Variants in METTL13 observed in about 807,000 individuals in gnomAD.
The protein encoded by METTL13 is eEF1A lysine and N-terminal methyltransferase.
METTL13 carries 52 observed loss-of-function variants against 67.4 expected under a neutral mutation model. The ratio of observed to expected loss-of-function variants is 0.77; its 90% CI spans 0.62 to 0.97. The LOEUF (loss-of-function observed/expected upper bound fraction) is 0.97, where lower values mean the gene tolerates loss of function less well. Ranked by LOEUF, METTL13 falls within the 50% of genes least tolerant of loss-of-function variation. The pLI is 0.00. For missense variants in METTL13, 825 were observed against 889.6 expected (o/e 0.93, Z 0.92); for synonymous variants, 354 against 353.6 (o/e 1.00, Z -0.01).
At chr1:171,787,260 A>G (rs574042434) in intron 3 of METTL13, among the ~76,000 whole-genome samples, 3 of 152,332 alleles carry the variant, frequency 2.0e-5, no homozygotes, top group African/African-American at 7.2e-5. Context: ...TAAGGTTCAG[A>G]AAAGTGGGGG....
At position 171,787,888 on chromosome 1, in the gene METTL13, G is replaced by A. The variant is rs867562362; in HGVS notation, c.1267G>A (p.Val423Met). 2.5e-6 allele frequency: 4 copies of A among 1,613,936 alleles called. No homozygotes were observed. The African/African-American group carries it at 4.0e-5, about 16-fold the overall frequency. The change falls in exon 4 of 8, where the codon GTG becomes ATG. Residue 423 changes from valine to methionine, a missense_variant. Coordinates refer to ENST00000361735, the MANE Select transcript of METTL13 (RefSeq NM_015935.5). ...GATCTTCCTCAGCAACAGGAATGTGGTGCAGTCCGAAGCCAGGTTGCTGAA... is the reference window on the plus strand; with the variant it reads ...GATCTTCCTCAGCAACAGGAATGTGATGCAGTCCGAAGCCAGGTTGCTGAA... ...RLIFLSNRNV[V>M]QSEARLLKDV...
rs757820923 is a variant in METTL13 at position 171,790,524 on chromosome 1, G to A, written c.1382G>A (p.Gly461Glu). The A allele has an allele frequency of 1.2e-5, 19 of 1,612,582 alleles. No individual in the cohort carries two copies. The highest frequency in any genetic ancestry group is 1.6e-5 in the Non-Finnish European group (19 of 1,179,702). ...GCGGAGGACCTCCCTGCAGCCCCGG[G>A]GCAGTCCATTGATAAGAGTTACCTG... ...ADAEDLPAAPGQSIDKSYLCC... is the reference protein window; with the variant it reads ...ADAEDLPAAPEQSIDKSYLCC... Residue 461 changes from glycine to glutamate, a missense_variant, in exon 5 of 8, where the codon GGG (glycine) becomes GAG (glutamate). Coordinates refer to ENST00000361735, the MANE Select transcript of METTL13 (RefSeq NM_015935.5).
intron 5 of METTL13, among the ~76,000 whole-genome samples, chr1:171,791,579 C>A (rs918199439): frequency 6.6e-6 from 1 of 152,066 alleles, no homozygotes; most frequent in Non-Finnish European, 1.5e-5. Context: ...TAGGCTCCCA[C>A]GTCAGCTTAC....
At position 171,784,488 on chromosome 1, in the gene METTL13, C is replaced by T. The variant is rs760964626; in HGVS notation, c.902C>T (p.Ala301Val). The change falls in exon 2 of 8, where the codon GCG (alanine) becomes GTG (valine). Residue 301 changes from alanine to valine, a missense_variant. Physicochemically the swap from Ala to Val is moderately conservative, Grantham distance 64. Coordinates refer to ENST00000361735, the MANE Select transcript of METTL13 (RefSeq NM_015935.5). ...AAACCATCGCGGGACAATCATTTTG[C>T]GATTTTCATCAGTGAGTTGGGATTG... is the stretch of plus-strand genomic sequence containing the variant. The part of the protein sequence containing the change: ...TVKPSRDNHF[A>V]IFIIPQGRET... 8 of 1,500,480 alleles carry T rather than the reference C, an allele frequency of 5.3e-6. No homozygotes were observed. Among genetic ancestry groups the T allele is most frequent in the Non-Finnish European group, 5.3e-6 (6 of 1,126,068 alleles). 92.9% of individuals were successfully genotyped at this position (1,500,480 alleles called of 1,614,324 possible). A position where few individuals can be genotyped will look rare whatever the true frequency, so the allele number is the denominator to read the frequency against.
chr1:171,784,128 T>G lies in METTL13; in HGVS notation c.542T>G (p.Val181Gly), dbSNP rs142277500. Residue 181 changes from valine (V) to glycine (G), a missense_variant, in exon 2 of 8, where the codon GTG (valine) becomes GGG (glycine). Physicochemically the swap from Val to Gly is moderately radical, Grantham distance 109. Coordinates refer to ENST00000361735, the MANE Select transcript of METTL13 (RefSeq NM_015935.5). The stretch of plus-strand genomic sequence containing the variant: ...CACTTCTCCCGGGAGGGGTGGATGG[T>G]GAGGGTGCACCAAGTGGCCAACAGC... ...VGHFSREGWM[V>G]RVHQVANSQD... The G allele has an allele frequency of 4.8e-5, 78 of 1,614,154 alleles. No individual in the cohort carries two copies. The African/African-American group carries it at 1.0e-3, about 21-fold the overall frequency.
chr1:171,796,596 A>G lies in METTL13; in HGVS notation c.1940A>G (p.Asn647Ser), dbSNP rs1329580787. Reference protein sequence around the residue: ...LYVRRIEGEVNEILFCQLHPE... With the variant: ...LYVRRIEGEVSEILFCQLHPE... The stretch of plus-strand genomic sequence containing the variant: ...GTCCGGCGAATTGAGGGTGAAGTGA[A>G]TGAGATCCTGTTCTGTCAGCTGCAC... Residue 647 changes from asparagine to serine, a missense_variant, in exon 8 of 8, where the codon AAT becomes AGT. By Grantham distance (46) the Asn-to-Ser change is conservative. Coordinates refer to ENST00000361735, the MANE Select transcript of METTL13 (RefSeq NM_015935.5). 1.2e-6 allele frequency: 2 copies of G among 1,614,210 alleles called. No homozygotes were observed. Among genetic ancestry groups the G allele is most frequent in the Non-Finnish European group, 1.7e-6 (2 of 1,180,040 alleles).
chr1:171,784,600 G>T, intron 2 of METTL13, 101 bp downstream of exon 2: 1 of 1,353,314 alleles, frequency 7.4e-7, no homozygotes, highest in Non-Finnish European at 9.6e-7. Flanking sequence ...GCTTTGGTGG[G>T]ATTCTGGACT....
chr1:171,787,855 C>T lies in METTL13; in HGVS notation c.1234C>T (p.Arg412Cys), dbSNP rs1274999532. 5.0e-6 allele frequency: 8 copies of T among 1,614,030 alleles called. No individual in the cohort carries two copies. The highest frequency in any genetic ancestry group is 1.3e-5 in the African/African-American group (1 of 74,922). ...DVQGDDKRYFRRLIFLSNRNV... is the reference protein window; with the variant it reads ...DVQGDDKRYFCRLIFLSNRNV... ...GCAAGGGGATGACAAGCGATACTTC[C>T]GTCGACTGATCTTCCTCAGCAACAG... The change falls in exon 4 of 8, where the codon CGT (arginine) becomes TGT (cysteine). Residue 412 changes from arginine (R) to cysteine (C), a missense_variant. Arg to Cys is a radical substitution (Grantham distance 180). Transcript: ENST00000361735.
chr1:171,791,834 C>T (rs1657217776), intron 5 of METTL13, among the ~76,000 whole-genome samples, 183 bp from the exon 6 acceptor site: 1 of 152,092 alleles, frequency 6.6e-6, no homozygotes, highest in Non-Finnish European at 1.5e-5. Context: ...ATCATGAATC[C>T]AGGATTCAGT....
At chr1:171,794,229 C>T (rs1571171846) in intron 6 of METTL13, among the ~76,000 whole-genome samples, 167 bp from the exon 7 acceptor site, 1 of 152,210 alleles carries the variant, frequency 6.6e-6, no homozygotes, top group African/African-American at 2.4e-5. Context: ...ACAAAGACTC[C>T]CCTGGGCCAT....
In METTL13 at chr1:171,784,383, G is replaced by T; in HGVS notation, c.797G>T (p.Gly266Val). ...CSQLRRKARL[G>V]SVSLDLCDGD... is the part of the protein sequence containing the mutation. ...CAGCTGCGCCGCAAGGCCAGGCTGG[G>T]GAGTGTGTCTCTGGACTTGTGCGAT... The change falls in exon 2 of 8, where the codon GGG (glycine) becomes GTG (valine). Residue 266 changes from glycine to valine, a missense_variant. By Grantham distance (109) the Gly-to-Val change is moderately radical. Coordinates refer to ENST00000361735, the MANE Select transcript of METTL13 (RefSeq NM_015935.5). 1 of 1,568,610 alleles carries T rather than the reference G, an allele frequency of 6.4e-7. No homozygotes were observed. Among genetic ancestry groups the T allele is most frequent in the Non-Finnish European group, 8.6e-7 (1 of 1,157,230 alleles).
At position 171,790,554 on chromosome 1, in the gene METTL13, G is replaced by A. The variant is rs1301258174; in HGVS notation, c.1412G>A (p.Cys471Tyr). The change falls in exon 5 of 8, where the codon TGT becomes TAT. Residue 471 changes from cysteine (C) to tyrosine (Y), a missense_variant. Cys to Tyr is a radical substitution (Grantham distance 194). Transcript: ENST00000361735. ...GQSIDKSYLCCEHHKAMIAGL... is the reference protein window; with the variant it reads ...GQSIDKSYLCYEHHKAMIAGL... ...TCCATTGATAAGAGTTACCTGTGTT[G>A]TGAACACCACAAAGCCATGATCGCT... 1 of 1,612,098 alleles carries A rather than the reference G, an allele frequency of 6.2e-7. No homozygotes were observed. Among genetic ancestry groups the A allele is most frequent in the South Asian group, 1.1e-5 (1 of 90,756 alleles).
chr1:171,785,763 C>A, intron 2 of METTL13, 116 bp from the exon 3 acceptor site: 1 of 1,047,076 alleles, frequency 9.6e-7, no homozygotes, highest in Non-Finnish European at 1.4e-6. Flanking sequence ...CTCAGTGGGT[C>A]ACAGTTGGGG....
chr1:171,787,916 A>T lies in METTL13; in HGVS notation c.1295A>T (p.Asp432Val). The change falls in exon 4 of 8, where the codon GAT (aspartate) becomes GTT (valine). Residue 432 changes from aspartate (D) to valine (V), a missense_variant. Physicochemically the swap from Asp to Val is radical, Grantham distance 152. Transcript: ENST00000361735. ...CAGTCCGAAGCCAGGTTGCTGAAGG[A>T]TGTGTCTCACAAAGGTGAGGTGTCA... ...VVQSEARLLK[D>V]VSHKAQKKRK... is the part of the protein sequence containing the mutation. 2.5e-6 allele frequency: 4 copies of T among 1,613,508 alleles called. No individual in the cohort carries two copies. The highest frequency in any genetic ancestry group is 3.4e-6 in the Non-Finnish European group (4 of 1,179,928).
chr1:171,793,991 C>T (rs1657285102), intron 6 of METTL13, among the ~76,000 whole-genome samples: 1 of 152,232 alleles, frequency 6.6e-6, no homozygotes, highest in Admixed American at 6.5e-5. Context: ...CATCTGCCCC[C>T]TACTACCCCA....
chr1:171,785,296 C>A (rs12034454), intron 2 of METTL13, among the ~76,000 whole-genome samples: 46,350 of 152,002 alleles, frequency 0.3, 7,249 homozygotes, highest in East Asian at 0.53. Flanking sequence ...CTTGGTGTTA[C>A]GGTAATTTGT....
chr1:171,795,597 C>T (rs951347352), intron 7 of METTL13, among the ~76,000 whole-genome samples: 2 of 152,200 alleles, frequency 1.3e-5, no homozygotes, highest in Non-Finnish European at 2.9e-5. Context: ...TGAAGATTTG[C>T]CAAGGTGACG....
chr1:171,793,880 A>G (rs1451271698), intron 6 of METTL13, among the ~76,000 whole-genome samples: 2 of 152,254 alleles, frequency 1.3e-5, no homozygotes, highest in Non-Finnish European at 2.9e-5. Flanking sequence ...TTAAAGGCTT[A>G]GTCAGCTGCT....
chr1:171,794,675 C>A, intron 7 of METTL13, 148 bp downstream of exon 7: 1 of 1,139,274 alleles, frequency 8.8e-7, no homozygotes, highest in Non-Finnish European at 1.2e-6. Flanking sequence ...CAGAAAATTT[C>A]CAGCTTGCCA....
Sources: allele counts gnomAD v4.1 joint callset (sites outside exome capture counted in the v4.1 genomes callset), GRCh38; gene constraint gnomAD v4.1.1; transcripts MANE v1.5; gene names NCBI Gene and HGNC (gene_info 2026-07-23, HGNC 2026-07-21).